KCNAB1: variants seen among roughly 807,000 people sequenced by gnomAD.
KCNAB1 encodes the protein potassium voltage-gated channel subfamily A regulatory beta subunit 1, also known as voltage-gated potassium channel subunit beta-1.
Under a neutral mutation model 64.6 loss-of-function variants are expected in KCNAB1, and 35 were observed. That is an observed-to-expected ratio of 0.54 (90% CI 0.41 to 0.72). KCNAB1 has a LOEUF of 0.72. Among genes scored for constraint, KCNAB1 ranks in the 30% least tolerant of loss-of-function variants. The pLI is 0.00. For synonymous variants in KCNAB1, 177 were observed against 183.8 expected, an observed-to-expected ratio of 0.96 and a Z score of 0.30; for missense variants, 401 against 512.9, an observed-to-expected ratio of 0.78 and a Z score of 2.11.
intron 1 of KCNAB1, among the ~76,000 whole-genome samples, chr3:156,387,190 C>T (rs1360244939): frequency 6.6e-6 from 1 of 151,896 alleles, no homozygotes; most frequent in Non-Finnish European, 1.5e-5. Context: ...GGGTGTGGAG[C>T]GGGGTGACTG....
chr3:156,180,888 A>C (rs1712762877), intron 1 of KCNAB1, among the ~76,000 whole-genome samples: 1 of 152,222 alleles, frequency 6.6e-6, no homozygotes, highest in South Asian at 2.1e-4. Flanking sequence ...GCCACAGCAA[A>C]GTACCACAGA....
chr3:156,303,908 G>A (rs1429386811), intron 1 of KCNAB1, among the ~76,000 whole-genome samples: 1 of 152,186 alleles, frequency 6.6e-6, no homozygotes, highest in African/African-American at 2.4e-5. Context: ...AGAAAAATAA[G>A]CAAATCGAAG....
intron 8 of KCNAB1, among the ~76,000 whole-genome samples, chr3:156,476,562 TATAC>T (rs1382309000): frequency 5.2e-5 from 7 of 134,566 alleles, no homozygotes; most frequent in Admixed American, 7.2e-5. Flanking sequence ...CACACACACA[TATAC>T]ACACACACAC....
intron 1 of KCNAB1, among the ~76,000 whole-genome samples, chr3:156,250,068 G>A (rs770226781): frequency 6.6e-6 from 1 of 152,142 alleles, no homozygotes; most frequent in African/African-American, 2.4e-5. Context: ...AGAAGGATGC[G>A]GGCTCTGGGA....
At position 156,459,870 on chromosome 3, in the gene KCNAB1, A is replaced by G; in HGVS notation, c.481A>G (p.Arg161Gly). Residue 161 changes from arginine to glycine, a missense_variant and splice_region_variant, in exon 5 of 14, where the codon AGG (arginine) becomes GGG (glycine). Coordinates refer to ENST00000490337, the MANE Select transcript of KCNAB1 (RefSeq NM_172160.3). ...LGSIIKKKGW[R>G]RSSLVITTKL... Reference sequence around the variant, plus strand: ...GAGCATCATCAAGAAGAAAGGCTGGAGGTATTGCATTCGCCATAATTATTT... The same window carrying G: ...GAGCATCATCAAGAAGAAAGGCTGGGGGTATTGCATTCGCCATAATTATTT... The G allele has an allele frequency of 6.2e-7, 1 of 1,605,678 alleles. No homozygotes were observed. Among genetic ancestry groups the G allele is most frequent in the Non-Finnish European group, 8.5e-7 (1 of 1,172,876 alleles).
Position 156,514,292 on chromosome 3 carries a change from A to G in KCNAB1, c.659-72A>G, listed in dbSNP as rs762472228. 7 of 1,114,930 alleles carry G rather than the reference A, an allele frequency of 6.3e-6. No individual in the cohort carries two copies. In the Admixed American group the frequency reaches 1.2e-4, roughly 19 times the overall value. 69.1% of individuals were successfully genotyped at this position (1,114,930 alleles called of 1,614,324 possible). On this transcript the variant is annotated intron_variant, in intron 8 of 13. Coordinates refer to ENST00000490337, the MANE Select transcript of KCNAB1 (RefSeq NM_172160.3). ...TGCATTAAGCTTCTAAGCTTTGGCT[A>G]GAGGAGTAAAAATCGCATAACTTTG...
chr3:156,417,861 G>A (rs1715188855), intron 1 of KCNAB1, among the ~76,000 whole-genome samples: 1 of 152,208 alleles, frequency 6.6e-6, no homozygotes, highest in Non-Finnish European at 1.5e-5. Flanking sequence ...CAGAAAGAAA[G>A]GGGAATCACA....
At position 156,231,604 on chromosome 3, in the gene KCNAB1, C is replaced by A. The variant is rs574872069; in HGVS notation, c.275+110718C>A. On this transcript the variant is annotated intron_variant, in intron 1 of 13. Coordinates refer to ENST00000490337, the MANE Select transcript of KCNAB1 (RefSeq NM_172160.3). ...GATAATCAACTAAGAGCTAGGCACC[C>A]TTTTAGGTCTTATAAGAAACATTTT... Among the ~76,000 whole-genome samples, 5 of 150,920 alleles carry A rather than the reference C, an allele frequency of 3.3e-5. No homozygotes were observed. The South Asian group carries it at 1.1e-3, about 32-fold the overall frequency.
At chr3:156,151,206 C>T (rs1044532888) in intron 1 of KCNAB1, among the ~76,000 whole-genome samples, 4 of 152,188 alleles carry the variant, frequency 2.6e-5, no homozygotes, top group African/African-American at 7.2e-5. Context: ...GGCTCATCAC[C>T]AAGTTAGGAG....
intron 1 of KCNAB1, among the ~76,000 whole-genome samples, chr3:156,335,502 A>G (rs545620070): frequency 6.6e-6 from 1 of 152,228 alleles, no homozygotes; most frequent in Non-Finnish European, 1.5e-5. Flanking sequence ...ATTGAGGACT[A>G]TAGCTCTATT....
chr3:156,535,784 G>A (rs141814789), intron 13 of KCNAB1, among the ~76,000 whole-genome samples: 106 of 128,764 alleles, frequency 8.2e-4, no homozygotes, highest in Non-Finnish European at 7.8e-4. Flanking sequence ...GGCTTGGATT[G>A]TAATACATAT....
chr3:156,184,981 G>A (rs141047988), intron 1 of KCNAB1, among the ~76,000 whole-genome samples: 19 of 152,226 alleles, frequency 1.2e-4, no homozygotes, highest in Middle Eastern at 6.8e-3. Flanking sequence ...TAACATTACA[G>A]TACCTCCATA....
At chr3:156,535,890 G>A (rs1032861367) in intron 13 of KCNAB1, among the ~76,000 whole-genome samples, 3 of 152,202 alleles carry the variant, frequency 2.0e-5, no homozygotes, top group Non-Finnish European at 2.9e-5. Context: ...AGTCCTGACA[G>A]GTTCCCCACT....
chr3:156,339,586 AC>A (rs1297159969), intron 1 of KCNAB1, among the ~76,000 whole-genome samples: 1 of 152,148 alleles, frequency 6.6e-6, no homozygotes, highest in Non-Finnish European at 1.5e-5. Flanking sequence ...AACTTTGCCT[AC>A]TTCAATCCAT....
intron 1 of KCNAB1, among the ~76,000 whole-genome samples, chr3:156,193,748 G>A (rs1470790395): frequency 6.6e-6 from 1 of 152,202 alleles, no homozygotes; most frequent in African/African-American, 2.4e-5. Flanking sequence ...CTCCTACCAG[G>A]TCCCTTCCTC....
intron 1 of KCNAB1, among the ~76,000 whole-genome samples, chr3:156,129,881 C>T (rs1270333407): frequency 6.6e-6 from 1 of 152,178 alleles, no homozygotes; most frequent in Non-Finnish European, 1.5e-5. Flanking sequence ...GAAACTTGTT[C>T]TAAGATTTTC....
chr3:156,313,778 T>C (rs376669844), intron 1 of KCNAB1, among the ~76,000 whole-genome samples: 1 of 152,248 alleles, frequency 6.6e-6, no homozygotes, highest in East Asian at 1.9e-4. Context: ...TAATTTGTGA[T>C]AGCAGCAATA....
intron 1 of KCNAB1, among the ~76,000 whole-genome samples, chr3:156,154,515 T>G (rs1179636291): frequency 6.6e-6 from 1 of 152,200 alleles, no homozygotes; most frequent in Non-Finnish European, 1.5e-5. Context: ...TCCTCCTAGA[T>G]AAATGCGCCA....
chr3:156,150,709 A>C (rs2108293955), intron 1 of KCNAB1, among the ~76,000 whole-genome samples: 1 of 152,324 alleles, frequency 6.6e-6, no homozygotes, highest in East Asian at 1.9e-4. Flanking sequence ...CTGTTGCCTG[A>C]AACGCTGCTA....
Sources: allele counts gnomAD v4.1 joint callset (sites outside exome capture counted in the v4.1 genomes callset), GRCh38; gene constraint gnomAD v4.1.1; transcripts MANE v1.5; gene names NCBI Gene and HGNC (gene_info 2026-07-23, HGNC 2026-07-21).